Variants in MTHFD2L observed in about 807,000 individuals in gnomAD.
MTHFD2L encodes the protein methylenetetrahydrofolate dehydrogenase (NADP+ dependent) 2 like.
MTHFD2L carries 29 observed loss-of-function variants against 34.9 expected under a neutral mutation model. The observed-to-expected ratio is 0.83, with a 90% CI of 0.62 to 1.13. The LOEUF is 1.13. MTHFD2L is among the 50% of genes most tolerant of loss of function. The pLI is 0.00. For synonymous variants in MTHFD2L, 167 were observed against 155.7 expected (o/e 1.07, Z -0.54); for missense variants, 481 against 446.5 (o/e 1.08, Z -0.70).
rs1724014010 is a variant in MTHFD2L, at chr4:74,152,662, C to T, written c.-296-7393C>T. On this transcript the variant is annotated intron_variant, in intron 1 of 7. Coordinates refer to the MTHFD2L transcript ENST00000433372. ...CATGCATTAGGTATTTATCCTAATG[C>T]TCTCCCTTCCCTTGTCTCCACCCCC... 7.9e-5 allele frequency among the ~76,000 whole-genome samples: 12 copies of T among 152,142 alleles called. No homozygotes were observed. In the South Asian group the frequency reaches 2.3e-3, roughly 29 times the overall value.
intron 6 of MTHFD2L, among the ~76,000 whole-genome samples, chr4:74,254,514 A>G (rs1743734232): frequency 6.6e-6 from 1 of 151,804 alleles, no homozygotes; most frequent in Non-Finnish European, 1.5e-5. Context: ...AACAAATAGA[A>G]CTATCAACTA....
At chr4:74,281,281 A>C in intron 6 of MTHFD2L, 144 bp from the exon 7 acceptor site, 1 of 763,622 alleles carries the variant, frequency 1.3e-6, no homozygotes. Context: ...CGGATCAGAA[A>C]TCATCAATGG....
At chr4:74,158,959 C>T (rs1327366515) in intron 1 of MTHFD2L, among the ~76,000 whole-genome samples, 1 of 152,198 alleles carries the variant, frequency 6.6e-6, no homozygotes, top group Non-Finnish European at 1.5e-5. Flanking sequence ...AATATATCTT[C>T]TTGACCCAGA....
At chr4:74,165,611 C>G (rs1726527953) in intron 1 of MTHFD2L, among the ~76,000 whole-genome samples, 1 of 152,186 alleles carries the variant, frequency 6.6e-6, no homozygotes, top group Non-Finnish European at 1.5e-5. Flanking sequence ...CCGCCTCGGC[C>G]CCTCAAAGTG....
rs1161075645 is a variant in MTHFD2L at position 74,302,282 on chromosome 4, G to GAAATATTGA, written c.*490_*498dup. Reference sequence around the variant, plus strand: ...GCTTGCTTACTACAAGAAAAATATTGAAATATTGAAAATATTGAAAATATT... The same window carrying GAAATATTGA: ...GCTTGCTTACTACAAGAAAAATATTGAAATATTGAAAATATTGAAAATATTGAAAATATT... On this transcript the variant is annotated 3_prime_UTR_variant, in exon 8 of 8. Coordinates refer to ENST00000325278, the MANE Select transcript of MTHFD2L (RefSeq NM_001144978.3). 2 of 151,912 alleles carry GAAATATTGA rather than the reference G, an allele frequency of 1.3e-5. No homozygotes were observed. The highest frequency in any genetic ancestry group is 2.9e-5 in the Non-Finnish European group (2 of 67,992). 9.4% of individuals were successfully genotyped at this position (151,912 alleles called of 1,614,324 possible).
intron 6 of MTHFD2L, among the ~76,000 whole-genome samples, chr4:74,230,709 G>A (rs1319647848): frequency 3.9e-5 from 6 of 152,142 alleles, no homozygotes; most frequent in East Asian, 1.9e-4. Flanking sequence ...GGGAGGAGCA[G>A]TTTAGGGAAA....
chr4:74,133,325 C>A (rs1398499773), intron 1 of MTHFD2L, among the ~76,000 whole-genome samples: 1 of 152,124 alleles, frequency 6.6e-6, no homozygotes, highest in Non-Finnish European at 1.5e-5. Context: ...TGTTCCCTGA[C>A]CTTTCTATAT....
At chr4:74,215,324 C>T (rs1049787789) in intron 5 of MTHFD2L, among the ~76,000 whole-genome samples, 2 of 151,798 alleles carry the variant, frequency 1.3e-5, no homozygotes, top group African/African-American at 4.9e-5. Flanking sequence ...GCCCTAGTGG[C>T]GTAGGCACCC....
chr4:74,170,283 A>G (rs1362155987), intron 1 of MTHFD2L, among the ~76,000 whole-genome samples: 3 of 152,202 alleles, frequency 2.0e-5, no homozygotes, highest in Non-Finnish European at 4.4e-5. Flanking sequence ...ATAATAACCA[A>G]CTGGGATGTA....
At chr4:74,149,655 T>A (rs1000925970) in intron 1 of MTHFD2L, among the ~76,000 whole-genome samples, 3 of 152,146 alleles carry the variant, frequency 2.0e-5, no homozygotes, top group Non-Finnish European at 4.4e-5. Context: ...GATAAAAAAT[T>A]TGGGATATGA....
chr4:74,148,847 A>G (rs1200441513), intron 1 of MTHFD2L, among the ~76,000 whole-genome samples: 1 of 151,758 alleles, frequency 6.6e-6, no homozygotes, highest in Non-Finnish European at 1.5e-5. Context: ...GCTTGTTTAC[A>G]TTTAGATTTA....
intron 5 of MTHFD2L, among the ~76,000 whole-genome samples, chr4:74,209,653 A>G (rs533728313): frequency 6.6e-6 from 1 of 152,316 alleles, no homozygotes; most frequent in Non-Finnish European, 1.5e-5. Flanking sequence ...TGCAATAAAC[A>G]TATGTGTGCA....
intron 6 of MTHFD2L, among the ~76,000 whole-genome samples, chr4:74,263,737 T>G (rs1338603634): frequency 1.3e-5 from 2 of 152,022 alleles, no homozygotes; most frequent in African/African-American, 2.4e-5. Context: ...GCTGAGACTG[T>G]GGGGTTTTCT....
At chr4:74,281,280 A>G in intron 6 of MTHFD2L, 145 bp from the exon 7 acceptor site, 1 of 751,504 alleles carries the variant, frequency 1.3e-6, no homozygotes, top group Non-Finnish European at 2.0e-6. Context: ...TCGGATCAGA[A>G]ATCATCAATG....
rs542552859 is a variant in MTHFD2L at position 74,128,173 on chromosome 4, A to G, written c.-297+2656A>G. ...AATACTTGTGAAATGGATAGTTTAT[A>G]AAAATTTTCTCCCATTCTGTCTCTT... On this transcript the variant is annotated intron_variant, in intron 1 of 7. Coordinates refer to the MTHFD2L transcript ENST00000433372. 9.5e-4 allele frequency among the ~76,000 whole-genome samples: 145 copies of G among 152,230 alleles called. 4 individuals are homozygous for G. In the South Asian group the frequency reaches 0.018, roughly 19 times the overall value.
At chr4:74,255,835 C>CT (rs970977202) in intron 6 of MTHFD2L, among the ~76,000 whole-genome samples, 5 of 152,114 alleles carry the variant, frequency 3.3e-5, no homozygotes, top group East Asian at 3.8e-4. Flanking sequence ...CTGTTTCATC[C>CT]TTTTTTTGTG....
chr4:74,296,556 C>T (rs1423272794), intron 7 of MTHFD2L, among the ~76,000 whole-genome samples: 1 of 152,092 alleles, frequency 6.6e-6, no homozygotes, highest in African/African-American at 2.4e-5. Context: ...TGGGGTTTGC[C>T]TGGTACTTGC....
intron 7 of MTHFD2L, among the ~76,000 whole-genome samples, chr4:74,298,385 G>C (rs548882191): frequency 6.6e-6 from 1 of 152,112 alleles, no homozygotes; most frequent in African/African-American, 2.4e-5. Context: ...ATATGTGTTG[G>C]TTTCCACCAG....
chr4:74,291,040 T>C (rs911926141), intron 7 of MTHFD2L, among the ~76,000 whole-genome samples: 1 of 118,516 alleles, frequency 8.4e-6, no homozygotes, highest in Non-Finnish European at 1.7e-5. Context: ...TTTTTTGAGA[T>C]GGAGTCTTGC....
Sources: gnomAD v4.1 joint callset for allele counts (sites outside exome capture counted in the v4.1 genomes callset) on GRCh38, gnomAD v4.1.1 for gene constraint, MANE v1.5 for transcripts, NCBI Gene and HGNC (gene_info 2026-07-23, HGNC 2026-07-21) for gene names.